Variants in DCC observed in about 807,000 individuals in gnomAD.
The protein encoded by DCC is netrin receptor DCC.
In DCC, 58 loss-of-function variants were observed where a neutral mutation model predicts 172.5. The observed-to-expected ratio is 0.34, with a 90% CI of 0.27 to 0.42. The LOEUF (loss-of-function observed/expected upper bound fraction) is 0.42. DCC is among the 10% of genes least tolerant of loss of function. The pLI, the probability that DCC is intolerant of heterozygous loss-of-function variation, is 1.00. For missense variants in DCC, 1,740 were observed against 1,791.0 expected (o/e 0.97, Z 0.51); for synonymous variants, 709 against 644.5 (o/e 1.10, Z -1.52).
chr18:52,635,145 C>T (rs1283136409), intron 1 of DCC, among the ~76,000 whole-genome samples: 1 of 152,168 alleles, frequency 6.6e-6, no homozygotes, highest in African/African-American at 2.4e-5. Context: ...AACTATTTTA[C>T]AACACAGTAG....
At chr18:52,708,908 T>A (rs2036252654) in intron 1 of DCC, among the ~76,000 whole-genome samples, 1 of 152,192 alleles carries the variant, frequency 6.6e-6, no homozygotes, top group South Asian at 2.1e-4. Flanking sequence ...TCTGGTAGAA[T>A]AAAAATCTGC....
chr18:53,007,801 T>C (rs966082599), intron 5 of DCC, among the ~76,000 whole-genome samples: 11 of 152,098 alleles, frequency 7.2e-5, no homozygotes, highest in African/African-American at 1.4e-4. Flanking sequence ...CTCAGTGTTA[T>C]AAAATATAGT....
At chr18:52,849,551 A>G (rs2038943987) in intron 2 of DCC, among the ~76,000 whole-genome samples, 1 of 152,340 alleles carries the variant, frequency 6.6e-6, no homozygotes, top group East Asian at 1.9e-4. Context: ...TGGAAACAAC[A>G]AAACACAAAA....
chr18:52,566,353 C>T (rs1049188441), intron 1 of DCC, among the ~76,000 whole-genome samples: 18 of 151,908 alleles, frequency 1.2e-4, no homozygotes, highest in Admixed American at 3.9e-4. Context: ...CATCATCACA[C>T]GCCGGGGCCT....
At chr18:52,995,841 C>A (rs1022221211) in intron 5 of DCC, among the ~76,000 whole-genome samples, 3 of 151,854 alleles carry the variant, frequency 2.0e-5, no homozygotes, top group African/African-American at 4.8e-5. Context: ...TGGACTGAAC[C>A]CCCTTTTTGC....
Position 53,535,029 on chromosome 18 carries a change from T to C in DCC, c.*4376T>C, listed in dbSNP as rs16956878. 0.28 allele frequency: 42,934 copies of C among 152,052 alleles called. 6,328 individuals carry two copies. The highest frequency in any genetic ancestry group is 0.54 in the East Asian group (2,792 of 5,148). 9.4% of individuals were successfully genotyped at this position (152,052 alleles called of 1,614,324 possible). On this transcript the variant is annotated 3_prime_UTR_variant, in exon 29 of 29. Transcript: ENST00000442544. ...GGGCATGGGCCAAGGGATCTCACTG[T>C]GTGCTGAACATGTATTTTCAGATGC...
intron 1 of DCC, among the ~76,000 whole-genome samples, chr18:52,729,869 G>C (rs2036610161): frequency 6.6e-6 from 1 of 152,124 alleles, no homozygotes; most frequent in Non-Finnish European, 1.5e-5. Context: ...CCTTATCCAA[G>C]TTATTTACTT....
intron 15 of DCC, among the ~76,000 whole-genome samples, chr18:53,346,796 G>A (rs1487303536): frequency 6.6e-6 from 1 of 152,086 alleles, no homozygotes; most frequent in Non-Finnish European, 1.5e-5. Flanking sequence ...TTTCACTTGA[G>A]AATGGACTAT....
In DCC at chr18:52,770,893, G is replaced by T. The variant is rs17469054; in HGVS notation, c.412+18519G>T. 6.6e-5 allele frequency among the ~76,000 whole-genome samples: 10 copies of T among 152,160 alleles called. No individual in the cohort carries two copies. The East Asian group carries it at 1.5e-3, about 23-fold the overall frequency. On this transcript the variant is annotated intron_variant, in intron 2 of 28. Transcript: ENST00000442544. Reference sequence around the variant, plus strand: ...CATGATTCAGGGTTCATCTTCCTTCGCCATCCTTCAAAGCACATAGTCCAG... The same window carrying T: ...CATGATTCAGGGTTCATCTTCCTTCTCCATCCTTCAAAGCACATAGTCCAG...
chr18:52,707,986 TAA>T (rs2036236510), intron 1 of DCC, among the ~76,000 whole-genome samples: 1 of 152,158 alleles, frequency 6.6e-6, no homozygotes, highest in Non-Finnish European at 1.5e-5. Flanking sequence ...TGAAAATAGC[TAA>T]GAGGGTAGAT....
chr18:53,234,083 T>G (rs1174129924), intron 12 of DCC, among the ~76,000 whole-genome samples: 1 of 152,084 alleles, frequency 6.6e-6, no homozygotes, highest in African/African-American at 2.4e-5. Flanking sequence ...AAACACCATC[T>G]CTACTAAAAA....
At chr18:53,267,036 C>A (rs538501850) in intron 12 of DCC, among the ~76,000 whole-genome samples, 1 of 151,692 alleles carries the variant, frequency 6.6e-6, no homozygotes, top group Admixed American at 6.6e-5. Flanking sequence ...TTTTGGTAGA[C>A]AACTAGATTA....
Position 52,961,197 on chromosome 18 carries a change from A to C in DCC, c.985+35827A>C, listed in dbSNP as rs545795485. Among the ~76,000 whole-genome samples, 928 of 152,196 alleles carry C rather than the reference A, an allele frequency of 6.1e-3. 6 individuals are homozygous for C. The highest frequency in any genetic ancestry group is 0.01 in the Non-Finnish European group (697 of 67,988). On this transcript the variant is annotated intron_variant, in intron 5 of 28. Coordinates refer to ENST00000442544, the MANE Select transcript of DCC (RefSeq NM_005215.4). ...AGGAGATATACCTAATGTTAAATGA[A>C]GAGTTAATGGGTGCAGCACACCAAC...
At chr18:52,505,094 A>G (rs1950638617) in intron 1 of DCC, among the ~76,000 whole-genome samples, 1 of 152,164 alleles carries the variant, frequency 6.6e-6, no homozygotes, top group Non-Finnish European at 1.5e-5. Context: ...ATTAGAAGGG[A>G]GGGGAAAGAT....
At chr18:52,961,059 C>T (rs956841640) in intron 5 of DCC, among the ~76,000 whole-genome samples, 4 of 152,068 alleles carry the variant, frequency 2.6e-5, no homozygotes, top group African/African-American at 9.7e-5. Context: ...CTCTATGATA[C>T]AGCATTTACT....
chr18:52,780,953 TAG>T (rs1425743656), intron 2 of DCC, among the ~76,000 whole-genome samples: 1 of 152,118 alleles, frequency 6.6e-6, no homozygotes, highest in Non-Finnish European at 1.5e-5. Flanking sequence ...CCCTCATCAT[TAG>T]AGTTATGTAT....
At chr18:52,527,370 A>C (rs1145270) in intron 1 of DCC, among the ~76,000 whole-genome samples, 46,148 of 152,146 alleles carry the variant, frequency 0.3, 7,131 homozygotes, top group Middle Eastern at 0.33. Flanking sequence ...TTCTTTTGCT[A>C]TAATAAATGC....
At chr18:52,677,657 G>A (rs527425958) in intron 1 of DCC, among the ~76,000 whole-genome samples, 12 of 152,144 alleles carry the variant, frequency 7.9e-5, no homozygotes, top group African/African-American at 2.9e-4. Flanking sequence ...AGACTTGAGG[G>A]CAGAATGAGA....
intron 7 of DCC, among the ~76,000 whole-genome samples, chr18:53,109,853 C>T (rs1184541549): frequency 6.6e-6 from 1 of 151,518 alleles, no homozygotes; most frequent in Admixed American, 6.6e-5. Flanking sequence ...TCTACCATTA[C>T]AGGAAGCAGA....
Sources: gnomAD v4.1 joint callset for allele counts (sites outside exome capture counted in the v4.1 genomes callset) on GRCh38, gnomAD v4.1.1 for gene constraint, MANE v1.5 for transcripts, NCBI Gene and HGNC (gene_info 2026-07-23, HGNC 2026-07-21) for gene names.